TRAPPC9: variants seen among roughly 807,000 people sequenced by gnomAD.
The protein encoded by TRAPPC9 is IKK2 binding protein.
TRAPPC9 carries 83 observed loss-of-function variants against 124.0 expected under a neutral mutation model. The ratio of observed to expected loss-of-function variants is 0.67; its 90% CI spans 0.56 to 0.80. The LOEUF (loss-of-function observed/expected upper bound fraction) is 0.80, where lower values mean the gene tolerates loss of function less well. Ranked by LOEUF, TRAPPC9 falls within the 30% of genes least tolerant of loss-of-function variation. The pLI is 0.00. For missense variants in TRAPPC9, 1,302 were observed against 1,508.3 expected (o/e 0.86, Z 2.27); for synonymous variants, 638 against 617.5 (o/e 1.03, Z -0.49).
intron 17 of TRAPPC9, among the ~76,000 whole-genome samples, chr8:140,206,732 T>C (rs185315627): frequency 6.6e-6 from 1 of 151,010 alleles, no homozygotes; most frequent in Admixed American, 6.6e-5. Flanking sequence ...CATACATACA[T>C]ACACACACAC....
At chr8:140,282,082 A>G (rs1358063038) in intron 14 of TRAPPC9, among the ~76,000 whole-genome samples, 1 of 152,260 alleles carries the variant, frequency 6.6e-6, no homozygotes, top group Non-Finnish European at 1.5e-5. Context: ...CACCCAGCAC[A>G]GCAACTGGCA....
chr8:140,261,809 G>T (rs1250201123), intron 15 of TRAPPC9, among the ~76,000 whole-genome samples: 1 of 152,150 alleles, frequency 6.6e-6, no homozygotes, highest in East Asian at 1.9e-4. Flanking sequence ...ATGGCTGCAG[G>T]ATGCGTCAGA....
chr8:140,033,676 T>TGTTTG (rs61640655), intron 17 of TRAPPC9, among the ~76,000 whole-genome samples: 1 of 105,768 alleles, frequency 9.5e-6, no homozygotes, highest in Admixed American at 9.5e-5. Flanking sequence ...TTTTTTTTTT[T>TGTTTG]TTTTTTTTTT....
At chr8:140,148,652 T>C (rs543826729) in intron 17 of TRAPPC9, among the ~76,000 whole-genome samples, 140 of 152,184 alleles carry the variant, frequency 9.2e-4, no homozygotes, top group African/African-American at 3.3e-3. Context: ...CCTATGAGCT[T>C]CCCCCTAGAA....
Position 140,221,523 on chromosome 8 carries a change from C to T in TRAPPC9, c.2492G>A (p.Arg831Gln), listed in dbSNP as rs750644725. Residue 831 changes from arginine to glutamine, a missense_variant, in exon 17 of 23, where the codon CGA becomes CAA. Transcript: ENST00000438773. Reference sequence around the variant, plus strand: ...TGGGTTCACAGGTTTGCCCTCCACTCGGGGCCGAACGACCTGCCGAAAAGG... The same window carrying T: ...TGGGTTCACAGGTTTGCCCTCCACTTGGGGCCGAACGACCTGCCGAAAAGG... The part of the protein sequence containing the change: ...SSPFRQVVRP[R>Q]VEGKPVNPPE... 8 of 1,614,152 alleles carry T rather than the reference C, an allele frequency of 5.0e-6. No individual in the cohort carries two copies. The highest frequency in any genetic ancestry group is 6.8e-6 in the Non-Finnish European group (8 of 1,180,006).
intron 7 of TRAPPC9, among the ~76,000 whole-genome samples, chr8:140,384,664 TA>T (rs1424931907): frequency 6.6e-6 from 1 of 152,176 alleles, no homozygotes; most frequent in Non-Finnish European, 1.5e-5. Flanking sequence ...TCCAGATTCA[TA>T]AAGCAAGTCT....
At chr8:140,018,324 A>ATTTTTTTT (rs1554608008) in intron 18 of TRAPPC9, among the ~76,000 whole-genome samples, 4 of 119,786 alleles carry the variant, frequency 3.3e-5, no homozygotes, top group African/African-American at 9.8e-5. Context: ...AACGTAAGTG[A>ATTTTTTTT]TTTTTTTTTT....
chr8:140,233,322 A>G (rs1187953572), intron 16 of TRAPPC9, among the ~76,000 whole-genome samples: 3 of 151,836 alleles, frequency 2.0e-5, no homozygotes, highest in Non-Finnish European at 4.4e-5. Context: ...CTCCTGCCTC[A>G]GCCTCCCGAG....
In TRAPPC9 at chr8:140,371,321, A is replaced by C. The variant is rs966065505; in HGVS notation, c.1135-141T>G. ...CAAGGAGAGGGAAAGCCTGGTGAGC[A>C]GCGCATGGCGCAGGCCCCAGGTGGC... On this transcript the variant is annotated intron_variant, in intron 7 of 22. Transcript: ENST00000438773. 3 of 967,726 alleles carry C rather than the reference A, an allele frequency of 3.1e-6. No homozygotes were observed. The African/African-American group carries it at 4.9e-5, about 16-fold the overall frequency. 59.9% of individuals were successfully genotyped at this position (967,726 alleles called of 1,614,324 possible). A position where few individuals can be genotyped will look rare whatever the true frequency, so the allele number is the denominator to read the frequency against.
intron 6 of TRAPPC9, 129 bp from the exon 7 acceptor site, chr8:140,397,874 C>T (rs1256365483): frequency 6.6e-6 from 8 of 1,212,792 alleles, no homozygotes; most frequent in Non-Finnish European, 7.1e-6. Flanking sequence ...CCAGATACCC[C>T]TCCTGATATG....
chr8:140,099,264 C>T (rs2060523593), intron 17 of TRAPPC9: 1 of 151,084 alleles, frequency 6.6e-6, no homozygotes, highest in Admixed American at 6.6e-5. Flanking sequence ...CTGACGCTCT[C>T]CTGAATCTTC....
intron 21 of TRAPPC9, among the ~76,000 whole-genome samples, chr8:139,775,766 T>C (rs1821315842): frequency 6.6e-6 from 1 of 152,138 alleles, no homozygotes; most frequent in African/African-American, 2.4e-5. Context: ...AAGCCCAAAT[T>C]CTGGAGCCTT....
Position 140,093,599 on chromosome 8 carries a change from C to G in TRAPPC9, c.2557-69520G>C, listed in dbSNP as rs555164951. Among the ~76,000 whole-genome samples, 8 of 149,486 alleles carry G rather than the reference C, an allele frequency of 5.4e-5. 1 individual carries two copies. Among genetic ancestry groups the G allele is most frequent in the African/African-American group, 2.0e-4 (8 of 40,536 alleles). On this transcript the variant is annotated intron_variant, in intron 17 of 22. Coordinates refer to ENST00000438773, the MANE Select transcript of TRAPPC9 (RefSeq NM_001160372.4). ...AGTAGAATTGCTTGAACTCAAGAGGCGGAGGGTGCAGTGAGCCAAGATCGT... is the reference window on the plus strand; with the variant it reads ...AGTAGAATTGCTTGAACTCAAGAGGGGGAGGGTGCAGTGAGCCAAGATCGT...
chr8:140,340,379 T>C (rs1171774752), intron 9 of TRAPPC9, among the ~76,000 whole-genome samples: 1 of 152,224 alleles, frequency 6.6e-6, no homozygotes, highest in Non-Finnish European at 1.5e-5. Flanking sequence ...ATAGAAACTT[T>C]TCTTTCTAAC....
At chr8:139,989,548 G>A (rs1206999394) in intron 18 of TRAPPC9, among the ~76,000 whole-genome samples, 2 of 152,168 alleles carry the variant, frequency 1.3e-5, no homozygotes, top group African/African-American at 4.8e-5. Context: ...AAATACAAAC[G>A]CGATGTCCTG....
chr8:139,891,669 A>G, intron 20 of TRAPPC9, among the ~76,000 whole-genome samples: 1 of 152,042 alleles, frequency 6.6e-6, no homozygotes, highest in East Asian at 1.9e-4. Flanking sequence ...TTATCATCAA[A>G]CTCGGGGCTT....
chr8:140,336,690 A>G (rs2067051062), intron 9 of TRAPPC9, among the ~76,000 whole-genome samples: 2 of 152,302 alleles, frequency 1.3e-5, no homozygotes, highest in South Asian at 4.1e-4. Context: ...TGAATAAATT[A>G]CATTCTGACA....
chr8:140,453,653 GTAT>G (rs1266553443), intron 1 of TRAPPC9, among the ~76,000 whole-genome samples: 2 of 152,284 alleles, frequency 1.3e-5, no homozygotes, highest in Admixed American at 1.3e-4. Flanking sequence ...CGGTTCACAA[GTAT>G]ATTACATGTG....
intron 17 of TRAPPC9, among the ~76,000 whole-genome samples, chr8:140,047,560 A>G (rs954358507): frequency 2.6e-5 from 4 of 152,160 alleles, no homozygotes; most frequent in African/African-American, 9.7e-5. Context: ...GAAGAAGGGG[A>G]CAAGAGTGGG....
Sources: gnomAD v4.1 joint callset for allele counts (sites outside exome capture counted in the v4.1 genomes callset) on GRCh38, gnomAD v4.1.1 for gene constraint, MANE v1.5 for transcripts, NCBI Gene and HGNC (gene_info 2026-07-23, HGNC 2026-07-21) for gene names.